The following PPP3CB variants were observed in gnomAD, a reference collection of about 807,000 sequenced individuals.
PPP3CB encodes protein phosphatase 3 catalytic subunit beta.
Under a neutral mutation model 66.4 loss-of-function variants are expected in PPP3CB, and 8 were observed. That is an observed-to-expected ratio of 0.12 (90% CI 0.07 to 0.22). The LOEUF (loss-of-function observed/expected upper bound fraction) is 0.22, where lower values mean the gene tolerates loss of function less well. Among genes scored for constraint, PPP3CB ranks in the 10% least tolerant of loss-of-function variants. PPP3CB has a pLI of 1.00. For missense variants in PPP3CB, 319 were observed against 642.5 expected (o/e 0.50, Z 5.44); for synonymous variants, 208 against 221.2 (o/e 0.94, Z 0.53).
chr10:73,459,875 A>G lies in PPP3CB; in HGVS notation c.1109-5386T>C, dbSNP rs572965833. Among the ~76,000 whole-genome samples, 357 of 152,340 alleles carry G rather than the reference A, an allele frequency of 2.3e-3. 2 individuals carry two copies. Among genetic ancestry groups the G allele is most frequent in the South Asian group, 7.5e-3 (36 of 4,832 alleles). On this transcript the variant is annotated intron_variant, in intron 9 of 13. Transcript: ENST00000360663. The stretch of plus-strand genomic sequence containing the variant: ...TGGAGGGGATGATGAAAATGTTCCA[A>G]AACTGTGGTAATGATTGCACAACTC...
chr10:73,462,844 G>A (rs1198558276), intron 9 of PPP3CB, among the ~76,000 whole-genome samples: 2 of 151,018 alleles, frequency 1.3e-5, no homozygotes, highest in Middle Eastern at 3.4e-3. Flanking sequence ...CAGAGACTTG[G>A]GAGGCAGAAG....
chr10:73,474,435 A>T (rs552218276), intron 4 of PPP3CB, among the ~76,000 whole-genome samples: 93 of 149,436 alleles, frequency 6.2e-4, no homozygotes, highest in Middle Eastern at 3.5e-3. Flanking sequence ...ATGAAAAAAA[A>T]TTTTTTTTTT....
At position 73,479,494 on chromosome 10, in the gene PPP3CB, G is replaced by C. The variant is rs749229440; in HGVS notation, c.109C>G (p.Arg37Gly). ...TCAAATACTTCTTCAGATGTCAAGC[G>C]ATGTGTTGGGGGGAAAGGGACAGCT... ...VKAVPFPPTH[R>G]LTSEEVFDLD... The change falls in exon 2 of 14, where the codon CGC (arginine) becomes GGC (glycine). Residue 37 changes from arginine (R) to glycine (G), a missense_variant. By Grantham distance (125) the Arg-to-Gly change is moderately radical (BLOSUM62 -2). Transcript: ENST00000360663. 6.2e-7 allele frequency: 1 copy of C among 1,614,016 alleles called. No individual in the cohort carries two copies. The highest frequency in any genetic ancestry group is 8.5e-7 in the Non-Finnish European group (1 of 1,179,972).
chr10:73,454,343 A>T, intron 10 of PPP3CB, 69 bp downstream of exon 10: 1 of 1,234,216 alleles, frequency 8.1e-7, no homozygotes, highest in Non-Finnish European at 1.2e-6. Flanking sequence ...AATAGTGTGT[A>T]CTGAGGCTAG....
chr10:73,473,822 T>C (rs918577206), intron 4 of PPP3CB, among the ~76,000 whole-genome samples: 1 of 152,082 alleles, frequency 6.6e-6, no homozygotes, highest in African/African-American at 2.4e-5. Flanking sequence ...TCACCAACTG[T>C]ACCTGACTAG....
intron 4 of PPP3CB, among the ~76,000 whole-genome samples, chr10:73,472,331 C>T (rs1384720074): frequency 6.6e-6 from 1 of 151,984 alleles, no homozygotes; most frequent in Non-Finnish European, 1.5e-5. Flanking sequence ...ACTGTCTCTA[C>T]TAAAAATACA....
At chr10:73,493,059 A>C (rs2057103640) in intron 1 of PPP3CB, among the ~76,000 whole-genome samples, 1 of 152,090 alleles carries the variant, frequency 6.6e-6, no homozygotes, top group African/African-American at 2.4e-5. Flanking sequence ...GAGGATCATG[A>C]GGTCAGGAGT....
At chr10:73,478,680 CTTAAG>C in intron 2 of PPP3CB, 57 bp from the exon 3 acceptor site, 2 of 1,494,608 alleles carry the variant, frequency 1.3e-6, no homozygotes, top group Non-Finnish European at 1.8e-6. Context: ...ACAAATTTTA[CTTAAG>C]TTAAAACGTA....
chr10:73,441,935 A>C (rs1473685286), intron 12 of PPP3CB, among the ~76,000 whole-genome samples: 3 of 152,252 alleles, frequency 2.0e-5, no homozygotes, highest in Non-Finnish European at 4.4e-5. Flanking sequence ...ACGAGGTCTT[A>C]GAATTAAAAT....
At chr10:73,446,243 G>A (rs913094831) in intron 11 of PPP3CB, among the ~76,000 whole-genome samples, 3 of 151,842 alleles carry the variant, frequency 2.0e-5, no homozygotes, top group Non-Finnish European at 4.4e-5. Context: ...GGGATTACAG[G>A]TGCATGCCAC....
rs1037221100 is a variant in PPP3CB at position 73,478,550 on chromosome 10, T to C, written c.360A>G (p.Thr120=). The C allele has an allele frequency of 1.2e-6, 2 of 1,609,814 alleles. No individual in the cohort carries two copies. Among genetic ancestry groups the C allele is most frequent in the Non-Finnish European group, 8.5e-7 (1 of 1,176,376 alleles). The part of the protein sequence containing the change: ...LFEVGGSPAN[T]RYLFLGDYVD... ...CATAATCGCCAAGAAAAAGGTATCGTGTATTAGCAGGTGATCCTCCTACTT... is the reference window on the plus strand; with the variant it reads ...CATAATCGCCAAGAAAAAGGTATCGCGTATTAGCAGGTGATCCTCCTACTT... Residue 120 remains threonine (T), a synonymous_variant, in exon 3 of 14, where the codon ACA becomes ACG. Coordinates refer to ENST00000360663, the MANE Select transcript of PPP3CB (RefSeq NM_021132.4).
chr10:73,444,906 A>G, intron 11 of PPP3CB, 84 bp from the exon 12 acceptor site: 1 of 1,300,126 alleles, frequency 7.7e-7, no homozygotes, highest in South Asian at 1.4e-5. Flanking sequence ...GATATAGGCC[A>G]TATATAAAAT....
intron 1 of PPP3CB, among the ~76,000 whole-genome samples, chr10:73,491,834 G>A (rs1589723354): frequency 6.6e-6 from 1 of 152,124 alleles, no homozygotes; most frequent in African/African-American, 2.4e-5. Context: ...GGGCGTGGTG[G>A]CACATGCCTG....
Position 73,479,532 on chromosome 10 carries a change from A to C in PPP3CB, c.86-15T>G, listed in dbSNP as rs777159245. On this transcript the variant is annotated splice_polypyrimidine_tract_variant and intron_variant, in intron 1 of 13. Transcript: ENST00000360663. The stretch of plus-strand genomic sequence containing the variant: ...GAAAGGGACAGCTGCAAATGTTTTT[A>C]ATTAATAAAAGATAAGTCACCAAAA... 1 of 1,606,476 alleles carries C rather than the reference A, an allele frequency of 6.2e-7. No individual in the cohort carries two copies. The highest frequency in any genetic ancestry group is 1.1e-5 in the South Asian group (1 of 90,326).
intron 9 of PPP3CB, among the ~76,000 whole-genome samples, chr10:73,460,265 C>CAAAAAAAA (rs11447229): frequency 8.4e-5 from 3 of 35,824 alleles, no homozygotes; most frequent in East Asian, 9.1e-4. Flanking sequence ...AAAGTAATAG[C>CAAAAAAAA]AAAAAAAAAA....
At chr10:73,469,704 T>C (rs182952989) in intron 8 of PPP3CB, among the ~76,000 whole-genome samples, 21 of 152,354 alleles carry the variant, frequency 1.4e-4, no homozygotes, top group African/African-American at 5.1e-4. Flanking sequence ...CTTTTAACCA[T>C]CACCTCTCAT....
At position 73,475,040 on chromosome 10, in the gene PPP3CB, A is replaced by T. The variant is rs2056765917; in HGVS notation, c.412-10T>A. 6.2e-7 allele frequency: 1 copy of T among 1,604,628 alleles called. No homozygotes were observed. On this transcript the variant is annotated splice_polypyrimidine_tract_variant and intron_variant, in intron 3 of 13. Transcript: ENST00000360663. ...ATAAATATAAGACACACTGCAAAAG[A>T]AAATTTTTCTAGTGAATTTATCTTG...
rs2132793206 is a variant in PPP3CB, at chr10:73,447,879, T to C, written c.1187-1306A>G. Among the ~76,000 whole-genome samples, 2 of 150,920 alleles carry C rather than the reference T, an allele frequency of 1.3e-5. 1 individual carries two copies. The highest frequency in any genetic ancestry group is 4.2e-4 in the South Asian group (2 of 4,790). ...TGGGTACCACAGCACTCTAAACAGG[T>C]ATTTTTAAAATACCAAAAAAAAAAA... On this transcript the variant is annotated intron_variant, in intron 10 of 13. Transcript: ENST00000360663.
Position 73,438,137 on chromosome 10 carries a change from C to G in PPP3CB, c.*105G>C. The G allele has an allele frequency of 8.5e-7, 1 of 1,170,148 alleles. No individual in the cohort carries two copies. Among genetic ancestry groups the G allele is most frequent in the Non-Finnish European group, 1.2e-6 (1 of 831,460 alleles). The allele number at this position is 1,170,148 out of a possible 1,614,324, so 72.5% of individuals were successfully genotyped here. A position where few individuals can be genotyped will look rare whatever the true frequency, so the allele number is the denominator to read the frequency against. On this transcript the variant is annotated 3_prime_UTR_variant, in exon 14 of 14. Coordinates refer to ENST00000360663, the MANE Select transcript of PPP3CB (RefSeq NM_021132.4). ...GGTCTCAGAAGCACAATGGTTTCTTCAGAGAGACTGTGAAATTTACAGTCA... is the reference window on the plus strand; with the variant it reads ...GGTCTCAGAAGCACAATGGTTTCTTGAGAGAGACTGTGAAATTTACAGTCA...
Sources: gnomAD v4.1 joint callset for allele counts (sites outside exome capture counted in the v4.1 genomes callset) on GRCh38, gnomAD v4.1.1 for gene constraint, MANE v1.5 for transcripts, NCBI Gene and HGNC (gene_info 2026-07-23, HGNC 2026-07-21) for gene names.